Variants in IGSF5 observed in about 807,000 individuals in gnomAD.
The protein encoded by IGSF5 is immunoglobulin superfamily 5 like.
IGSF5 carries 41 observed loss-of-function variants against 39.4 expected under a neutral mutation model. That is an observed-to-expected ratio of 1.04 (90% CI 0.81 to 1.35). The LOEUF (loss-of-function observed/expected upper bound fraction) is 1.35, where lower values mean the gene tolerates loss of function less well. IGSF5 is among the 40% of genes most tolerant of loss of function. The pLI, the probability that IGSF5 is intolerant of heterozygous loss-of-function variation, is 0.00. For synonymous variants in IGSF5, 183 were observed against 175.3 expected (o/e 1.04, Z -0.34); for missense variants, 487 against 494.6 (o/e 0.98, Z 0.15).
chr21:39,792,770 T>C (rs566937722), intron 7 of IGSF5, among the ~76,000 whole-genome samples: 1 of 152,062 alleles, frequency 6.6e-6, no homozygotes, highest in African/African-American at 2.4e-5. Flanking sequence ...AGAGTGATAA[T>C]GCAGTGAGGG....
chr21:39,779,241 C>A lies in IGSF5; in HGVS notation c.870C>A (p.Cys290Ter), dbSNP rs573576042. 6.2e-7 allele frequency: 1 copy of A among 1,613,792 alleles called. No homozygotes were observed. Among genetic ancestry groups the A allele is most frequent in the African/African-American group, 1.3e-5 (1 of 75,028 alleles). ...CTCTTACAATACGCTGCTGCTGCTG[C>A]CGCCGTCGTTGTTGTGGCTGCAACT... ...TCTLTIRCCC[C>*]RRRCCGCNCC... Residue 290 changes from cysteine (C) to a stop codon, truncating the protein, a stop_gained, in exon 5 of 9, where the codon TGC becomes TGA. Transcript: ENST00000380588. LOFTEE classifies it high-confidence loss of function.
At chr21:39,739,279 TAATAGAGTGA>T in the IGSF5 span, among the ~76,000 whole-genome samples, 29 of 151,774 alleles carry the variant, frequency 1.9e-4, no homozygotes, top group African/African-American at 6.3e-4. Flanking sequence ...TTGAAAGATT[TAATAGAGTGA>T]AATAGAGTGA....
At chr21:39,799,978 A>C (rs1420887015) in intron 8 of IGSF5, among the ~76,000 whole-genome samples, 6 of 152,198 alleles carry the variant, frequency 3.9e-5, no homozygotes, top group Non-Finnish European at 8.8e-5. Context: ...TACAGTTAGA[A>C]TATGTAGTAC....
upstream of IGSF5, among the ~76,000 whole-genome samples, chr21:39,741,152 C>A (rs1157243130): frequency 6.6e-6 from 1 of 152,056 alleles, no homozygotes; most frequent in Non-Finnish European, 1.5e-5. Flanking sequence ...GCCCCGTTAG[C>A]AAGCTTAGCA....
At chr21:39,738,006 G>A in the IGSF5 span, among the ~76,000 whole-genome samples, 2 of 152,196 alleles carry the variant, frequency 1.3e-5, no homozygotes, top group South Asian at 4.1e-4. This position sits in a 1 kb window ranked among gnomAD's most constrained non-coding sequence, Gnocchi z 6.4. Flanking sequence ...GGAGTTATGA[G>A]CCAGGAACCA....
intron 2 of IGSF5, among the ~76,000 whole-genome samples, chr21:39,746,964 AG>A (rs1484479803): frequency 1.3e-5 from 2 of 152,208 alleles, no homozygotes; most frequent in Non-Finnish European, 2.9e-5. Context: ...GCCCTAAGGA[AG>A]GTCAGCCCAA....
rs147519564 is a variant in IGSF5, at chr21:39,797,364, G to A, written c.1128+3751G>A. Among the ~76,000 whole-genome samples, 160 of 151,918 alleles carry A rather than the reference G, an allele frequency of 1.1e-3. 1 individual carries two copies. Among genetic ancestry groups the A allele is most frequent in the African/African-American group, 3.7e-3 (155 of 41,440 alleles). On this transcript the variant is annotated intron_variant, in intron 8 of 8. Coordinates refer to ENST00000380588, the MANE Select transcript of IGSF5 (RefSeq NM_001080444.2). ...CTCCTGAGTAGCTGGGATTATAGGC[G>A]TCTGCCACCATGCCCAGCTAATTTT...
the IGSF5 span, among the ~76,000 whole-genome samples, chr21:39,724,718 C>T: frequency 1.5e-4 from 23 of 152,210 alleles, no homozygotes; most frequent in African/African-American, 5.5e-4. Context: ...TGGACTAATA[C>T]ACTGGGTGAT....
chr21:39,797,602 G>A (rs982899854), intron 8 of IGSF5, among the ~76,000 whole-genome samples: 2 of 152,038 alleles, frequency 1.3e-5, no homozygotes, highest in African/African-American at 4.8e-5. Context: ...CTGTAACCTC[G>A]TACTCCTGGG....
intron 7 of IGSF5, 96 bp downstream of exon 7, chr21:39,792,195 T>G: frequency 1.4e-6 from 1 of 696,596 alleles, no homozygotes. Context: ...GAGGCTAACT[T>G]GGCAATGGTG....
At chr21:39,728,643 C>T in the IGSF5 span, among the ~76,000 whole-genome samples, 1 of 152,174 alleles carries the variant, frequency 6.6e-6, no homozygotes, top group Non-Finnish European at 1.5e-5. Flanking sequence ...CAATAAACTG[C>T]CTGGTCACAA....
the IGSF5 span, among the ~76,000 whole-genome samples, chr21:39,736,826 G>A: frequency 9.8e-5 from 15 of 152,318 alleles, no homozygotes; most frequent in South Asian, 2.5e-3. Context: ...GGCTGAGGCC[G>A]GGCATCTTGG....
chr21:39,788,971 G>A (rs1363585399), intron 6 of IGSF5, among the ~76,000 whole-genome samples: 1 of 152,156 alleles, frequency 6.6e-6, no homozygotes, highest in Non-Finnish European at 1.5e-5. Flanking sequence ...ATCACCATGT[G>A]GCAAAGGTTA....
At chr21:39,781,724 T>C (rs1290768791) in intron 5 of IGSF5, among the ~76,000 whole-genome samples, 7 of 152,244 alleles carry the variant, frequency 4.6e-5, no homozygotes, top group Non-Finnish European at 8.8e-5. Context: ...TATCTTATTA[T>C]AAGTGAGGTT....
chr21:39,730,925 G>T, the IGSF5 span, among the ~76,000 whole-genome samples: 10 of 152,226 alleles, frequency 6.6e-5, no homozygotes, highest in Non-Finnish European at 1.5e-4. Flanking sequence ...CCAACAAAAG[G>T]CCCCAAAATG....
chr21:39,752,941 T>C (rs2080012820), intron 2 of IGSF5, among the ~76,000 whole-genome samples: 4 of 152,238 alleles, frequency 2.6e-5, no homozygotes. Flanking sequence ...TTCCCCCCAC[T>C]CTGTGGGTTG....
At chr21:39,759,163 A>G (rs2080048041) in intron 2 of IGSF5, among the ~76,000 whole-genome samples, 4 of 152,260 alleles carry the variant, frequency 2.6e-5, no homozygotes, top group Admixed American at 2.6e-4. Context: ...TTGAAAGAAT[A>G]AAATGGAATC....
chr21:39,759,709 T>C lies in IGSF5; in HGVS notation c.101-5826T>C, dbSNP rs376076288. ...GCGAAACCCTATCTCTACTAAAAAA[T>C]ACAAAAAATTAGCAGGGTGTGGTGG... On this transcript the variant is annotated intron_variant, in intron 2 of 8. Transcript: ENST00000380588. Among the ~76,000 whole-genome samples, 32 of 151,474 alleles carry C rather than the reference T, an allele frequency of 2.1e-4. No individual in the cohort carries two copies. The East Asian group carries it at 4.9e-3, about 23-fold the overall frequency.
intron 4 of IGSF5, among the ~76,000 whole-genome samples, chr21:39,773,236 T>C (rs2146283982): frequency 6.6e-6 from 1 of 152,292 alleles, no homozygotes; most frequent in African/African-American, 2.4e-5. Flanking sequence ...GTATTTGGTT[T>C]TCTGTTCCTA....
Sources: allele counts gnomAD v4.1 joint callset (sites outside exome capture counted in the v4.1 genomes callset), GRCh38; gene constraint gnomAD v4.1.1; non-coding constraint Gnocchi (gnomAD v3.1); transcripts MANE v1.5; gene names NCBI Gene and HGNC (gene_info 2026-07-23, HGNC 2026-07-21).